NAV1: variants seen among roughly 807,000 people sequenced by gnomAD.
NAV1 encodes the protein neuron navigator 1.
NAV1 carries 18 observed loss-of-function variants against 175.2 expected under a neutral mutation model. The ratio of observed to expected loss-of-function variants is 0.10; its 90% CI spans 0.07 to 0.15. NAV1 has a LOEUF of 0.15. Ranked by LOEUF, NAV1 falls within the 10% of genes least tolerant of loss-of-function variation. The probability of loss-of-function intolerance (pLI) is 1.00; values close to 1 mark genes in which losing one functional copy is unlikely to be tolerated. For synonymous variants in NAV1, 897 were observed against 978.7 expected (o/e 0.92, Z 1.56); for missense variants, 1,731 against 2,436.6 (o/e 0.71, Z 6.10).
intron 1 of NAV1, among the ~76,000 whole-genome samples, chr1:201,679,023 G>A (rs1226221025): frequency 1.3e-5 from 2 of 152,136 alleles, no homozygotes; most frequent in Non-Finnish European, 2.9e-5. Context: ...TAGGATGCTG[G>A]GGGTTTGGAG....
At chr1:201,777,957 AAAAG>A (rs1336744345) in intron 3 of NAV1, among the ~76,000 whole-genome samples, 3 of 152,158 alleles carry the variant, frequency 2.0e-5, no homozygotes, top group Admixed American at 1.3e-4. Context: ...GAGAGGAAGA[AAAAG>A]AAAGAAAGAA....
intron 1 of NAV1, among the ~76,000 whole-genome samples, chr1:201,577,106 G>A (rs561669526): frequency 1.5e-4 from 23 of 152,264 alleles, no homozygotes; most frequent in African/African-American, 5.5e-4. Context: ...TCCCATCTTA[G>A]CCTCCCAAGT....
intron 1 of NAV1, among the ~76,000 whole-genome samples, chr1:201,691,691 C>T (rs192199412): frequency 8.5e-5 from 13 of 152,244 alleles, no homozygotes; most frequent in East Asian, 1.9e-4. Flanking sequence ...TGGCTTAGGA[C>T]GCCGTGGAAT....
chr1:201,549,145 TCTTTC>T (rs1324361718), intron 1 of NAV1, among the ~76,000 whole-genome samples: 1 of 145,746 alleles, frequency 6.9e-6, no homozygotes, highest in African/African-American at 2.5e-5. Flanking sequence ...CTTTCTTTCT[TCTTTC>T]TCTCTCTCTC....
intron 1 of NAV1, among the ~76,000 whole-genome samples, chr1:201,587,276 A>AC (rs955014958): frequency 2.0e-5 from 3 of 152,018 alleles, no homozygotes; most frequent in Middle Eastern, 3.4e-3. Context: ...AAAAAAAAAA[A>AC]CAGAAACCTT....
intron 2 of NAV1, among the ~76,000 whole-genome samples, chr1:201,631,982 T>C (rs1017085944): frequency 2.0e-5 from 3 of 152,180 alleles, no homozygotes; most frequent in Non-Finnish European, 4.4e-5. Context: ...TAAGTGGTTG[T>C]AGAGCTCTAA....
At chr1:201,578,649 G>C (rs1048458637) in intron 1 of NAV1, among the ~76,000 whole-genome samples, 1 of 152,188 alleles carries the variant, frequency 6.6e-6, no homozygotes, top group Non-Finnish European at 1.5e-5. Flanking sequence ...CACCACCCTA[G>C]TGGGGTTGTT....
At chr1:201,760,750 A>C (rs1674785796) in intron 3 of NAV1, among the ~76,000 whole-genome samples, 1 of 152,176 alleles carries the variant, frequency 6.6e-6, no homozygotes, top group Admixed American at 6.5e-5. Flanking sequence ...GAGTCTCTTT[A>C]TGTGCATTAC....
rs576183287 is a variant in NAV1 at position 201,807,388 on chromosome 1, T to C, written c.3649-565T>C. ...ATATTGTCAGTTTCTGGTTGACAGA[T>C]GACTAGATGAACAGATTCTGGGCTG... is the stretch of plus-strand genomic sequence containing the variant. On this transcript the variant is annotated intron_variant, in intron 17 of 29. Transcript: ENST00000367296. The surrounding 1 kb of genome is among the most constrained non-coding windows in gnomAD (Gnocchi z 5.4). Among the ~76,000 whole-genome samples the C allele has an allele frequency of 2.0e-5, 3 of 152,326 alleles. No individual in the cohort carries two copies. The highest frequency in any genetic ancestry group is 7.2e-5 in the African/African-American group (3 of 41,570).
At chr1:201,550,332 C>T (rs990254234) in intron 1 of NAV1, among the ~76,000 whole-genome samples, 19 of 151,936 alleles carry the variant, frequency 1.3e-4, no homozygotes, top group African/African-American at 3.9e-4. Context: ...CCACCACACC[C>T]GGCTAATTTT....
intron 1 of NAV1, among the ~76,000 whole-genome samples, chr1:201,550,874 C>G (rs1373881779): frequency 6.6e-6 from 1 of 152,216 alleles, no homozygotes; most frequent in East Asian, 1.9e-4. Flanking sequence ...TCACCTGACC[C>G]AGAGGATGGA....
At chr1:201,548,426 T>C (rs1665729535) in intron 1 of NAV1, among the ~76,000 whole-genome samples, 1 of 152,200 alleles carries the variant, frequency 6.6e-6, no homozygotes, top group East Asian at 1.9e-4. Context: ...TATAGTATGG[T>C]CCTCCTGCCA....
At chr1:201,541,515 G>C (rs542440353) in intron 1 of NAV1, among the ~76,000 whole-genome samples, 59 of 152,300 alleles carry the variant, frequency 3.9e-4, no homozygotes, top group African/African-American at 1.3e-3. Flanking sequence ...TGCTGTTTTG[G>C]CCAGGTGCGG....
chr1:201,649,561 G>GGC, intron 1 of NAV1, 136 bp downstream of exon 5: 1 of 1,374,456 alleles, frequency 7.3e-7, no homozygotes, highest in Non-Finnish European at 9.6e-7. Flanking sequence ...GGCTGTGATG[G>GGC]GCATTGCGCC....
intron 2 of NAV1, among the ~76,000 whole-genome samples, chr1:201,616,639 C>T (rs1481494434): frequency 6.6e-6 from 1 of 152,186 alleles, no homozygotes; most frequent in Non-Finnish European, 1.5e-5. Context: ...AGGCATGCGC[C>T]ACCACGCCCA....
At chr1:201,794,005 T>C in intron 14 of NAV1, 130 bp downstream of exon 18, 1 of 768,136 alleles carries the variant, frequency 1.3e-6, no homozygotes, top group East Asian at 2.7e-5. Context: ...TCACCCTGGA[T>C]TCTCAATCTG....
intron 3 of NAV1, among the ~76,000 whole-genome samples, chr1:201,726,399 T>G (rs239973): frequency 0.86 from 131,438 of 152,112 alleles, 57,427 homozygotes; most frequent in Middle Eastern, 0.92. Flanking sequence ...ATCCCAGCAC[T>G]TTGGGAGGCC....
chr1:201,684,880 G>A (rs1365759849), intron 1 of NAV1, among the ~76,000 whole-genome samples: 2 of 150,896 alleles, frequency 1.3e-5, no homozygotes, highest in Non-Finnish European at 3.0e-5. Context: ...GGAGAATGAC[G>A]TGACCCCGGA....
chr1:201,715,527 T>C (rs1282455928), intron 2 of NAV1, among the ~76,000 whole-genome samples: 2 of 152,190 alleles, frequency 1.3e-5, no homozygotes, highest in Non-Finnish European at 2.9e-5. Context: ...GTAGACAGGA[T>C]ATATACATAC....
Sources: allele counts gnomAD v4.1 joint callset (sites outside exome capture counted in the v4.1 genomes callset), GRCh38; gene constraint gnomAD v4.1.1; non-coding constraint Gnocchi (gnomAD v3.1); transcripts MANE v1.5; gene names NCBI Gene and HGNC (gene_info 2026-07-23, HGNC 2026-07-21).